Variants in SEH1L observed in about 807,000 individuals in gnomAD.
The protein encoded by SEH1L is SEH1 like nucleoporin.
In SEH1L, 18 loss-of-function variants were observed where a neutral mutation model predicts 49.5. The observed-to-expected ratio is 0.36, with a 90% CI of 0.25 to 0.54. The LOEUF is 0.54. Among genes scored for constraint, SEH1L ranks in the 20% least tolerant of loss-of-function variants. SEH1L has a pLI of 0.87. For synonymous variants in SEH1L, 169 were observed against 178.1 expected (o/e 0.95, Z 0.41); for missense variants, 404 against 528.8 (o/e 0.76, Z 2.31).
intron 5 of SEH1L, chr18:12,972,750 G>A (rs2031755734): frequency 6.6e-6 from 1 of 152,198 alleles, no homozygotes; most frequent in Non-Finnish European, 1.5e-5. Flanking sequence ...GCAGTGATGG[G>A]AAATGGTCTT....
chr18:12,986,741 T>TC lies in SEH1L; in HGVS notation c.1071-120dup, dbSNP rs1213666540. The TC allele has an allele frequency of 3.9e-5, 47 of 1,216,364 alleles. No homozygotes were observed. In the African/African-American group the frequency reaches 5.9e-4, roughly 15 times the overall value. The allele number at this position is 1,216,364 out of a possible 1,614,324, so 75.3% of individuals were successfully genotyped here. ...ATATACTAAAGCTTTTTTTTTTTTT[T>TC]CTAGCATGTGTTTTCTCCTCTTTGG... On this transcript the variant is annotated intron_variant, in intron 8 of 8. Transcript: ENST00000399892.
chr18:12,987,095 T>C lies in SEH1L; in HGVS notation c.*38T>C, dbSNP rs2032496044. On this transcript the variant is annotated 3_prime_UTR_variant, in exon 9 of 9. Transcript: ENST00000399892. ...ACATTGAAAGGCCTTATTCAAGTGC[T>C]TGTAAATGCTTTCATTTCTGGCTGC... is the stretch of plus-strand genomic sequence containing the variant. 5 of 1,365,286 alleles carry C rather than the reference T, an allele frequency of 3.7e-6. No homozygotes were observed. The highest frequency in any genetic ancestry group is 5.0e-6 in the Non-Finnish European group (5 of 999,114). 84.6% of individuals were successfully genotyped at this position (1,365,286 alleles called of 1,614,324 possible). A position where few individuals can be genotyped will look rare whatever the true frequency, so the allele number is the denominator to read the frequency against.
At chr18:12,970,911 C>T (rs2031671945) in intron 4 of SEH1L, among the ~76,000 whole-genome samples, 1 of 152,194 alleles carries the variant, frequency 6.6e-6, no homozygotes, top group Admixed American at 6.5e-5. Flanking sequence ...TCCTTTCTAT[C>T]TGAGCCATAA....
At position 12,948,014 on chromosome 18, in the gene SEH1L, A is replaced by G; in HGVS notation, c.-108A>G. On this transcript the variant is annotated 5_prime_UTR_variant, in exon 1 of 9. Coordinates refer to ENST00000399892, the MANE Select transcript of SEH1L (RefSeq NM_001013437.2). ...GGGGCGGTGCGGGGGCGTGGGCAGC[A>G]CAAGCCGTGCGCTCCCGGGCTGCGA... 1 of 745,488 alleles carries G rather than the reference A, an allele frequency of 1.3e-6. No homozygotes were observed. The highest frequency in any genetic ancestry group is 2.5e-5 in the Admixed American group (1 of 39,572). The allele number at this position is 745,488 out of a possible 1,614,324, so 46.2% of individuals were successfully genotyped here.
chr18:12,963,647 G>A (rs373104350), intron 4 of SEH1L, among the ~76,000 whole-genome samples: 13 of 152,262 alleles, frequency 8.5e-5, no homozygotes, highest in East Asian at 3.9e-4. Context: ...ATGCAAACAC[G>A]CCCAGATATT....
At chr18:12,986,139 T>G in intron 8 of SEH1L, 1 of 984,684 alleles carries the variant, frequency 1.0e-6, no homozygotes, top group Non-Finnish European at 1.2e-6. Flanking sequence ...GTCTCAAGAT[T>G]TTCTTAATTT....
chr18:12,973,858 T>C (rs535706709), intron 5 of SEH1L: 2 of 152,234 alleles, frequency 1.3e-5, no homozygotes, highest in African/African-American at 2.4e-5. Context: ...ACACTGGTGA[T>C]AGCTCCCTCT....
chr18:12,972,779 T>G (rs1348817270), intron 5 of SEH1L: 1 of 152,238 alleles, frequency 6.6e-6, no homozygotes, highest in Non-Finnish European at 1.5e-5. Context: ...TCATGGAGTT[T>G]TAAGCTGTAA....
intron 4 of SEH1L, among the ~76,000 whole-genome samples, chr18:12,970,367 G>C (rs1418356897): frequency 6.6e-6 from 1 of 152,218 alleles, no homozygotes; most frequent in Non-Finnish European, 1.5e-5. Context: ...TGGGGATCGT[G>C]ACTTCTGCAG....
intron 4 of SEH1L, among the ~76,000 whole-genome samples, chr18:12,964,005 A>G (rs1314884543): frequency 2.6e-5 from 4 of 152,162 alleles, no homozygotes; most frequent in Non-Finnish European, 5.9e-5. Context: ...GAGCTGCTGC[A>G]CCCAGCCAGA....
At chr18:12,972,830 C>G (rs565206137) in intron 5 of SEH1L, 112 of 152,286 alleles carry the variant, frequency 7.4e-4, no homozygotes, top group African/African-American at 2.5e-3. Context: ...ATAGAGGCTT[C>G]ATGAAGTGTT....
chr18:12,986,550 T>C (rs575469340), intron 8 of SEH1L: 2 of 969,474 alleles, frequency 2.1e-6, no homozygotes, highest in Non-Finnish European at 2.5e-6. Context: ...AGAAAATGTT[T>C]TGAATTTATA....
rs2032487599 is a variant in SEH1L at position 12,986,944 on chromosome 18, C to T, written c.1153C>T (p.Pro385Ser). ...YAQLLPPPPPPLVEHSCDADT... is the reference protein window; with the variant it reads ...YAQLLPPPPPSLVEHSCDADT... The stretch of plus-strand genomic sequence containing the variant: ...CCAGCTCCTTCCTCCTCCTCCTCCT[C>T]CTCTGGTAGAGCACTCTTGCGATGC... The change falls in exon 9 of 9, where the codon CCT becomes TCT. Residue 385 changes from proline to serine, a missense_variant. Around this residue, in one of 3 missense-constraint regions of SEH1L, gnomAD observed 342 missense variants for 430.8 expected, o/e 0.79. Coordinates refer to ENST00000399892, the MANE Select transcript of SEH1L (RefSeq NM_001013437.2). The T allele has an allele frequency of 6.2e-7, 1 of 1,613,816 alleles. No homozygotes were observed. Among genetic ancestry groups the T allele is most frequent in the Admixed American group, 1.7e-5 (1 of 59,998 alleles).
At chr18:12,984,260 G>A (rs756964619) in intron 8 of SEH1L, 70 bp downstream of exon 8, 5 of 1,464,658 alleles carry the variant, frequency 3.4e-6, no homozygotes, top group East Asian at 4.5e-5. Flanking sequence ...TACTTAAGGT[G>A]GATTATTTCA....
At position 12,949,018 on chromosome 18, in the gene SEH1L, C is replaced by CT. The variant is rs1345283216; in HGVS notation, c.111+799dup. ...GTGCACGCCACCACCCCCGGCTAAT[C>CT]TTTTTTTTTTTTTGTATTTTTTAGT... On this transcript the variant is annotated intron_variant, in intron 1 of 8. Transcript: ENST00000399892. 2.3e-3 allele frequency among the ~76,000 whole-genome samples: 326 copies of CT among 143,014 alleles called. 4 individuals are homozygous for CT. The highest frequency in any genetic ancestry group is 7.2e-3 in the East Asian group (35 of 4,842). 93.8% of individuals were successfully genotyped at this position (143,014 alleles called of 152,430 possible).
In SEH1L at chr18:12,966,266, A is replaced by G. The variant is rs536652921; in HGVS notation, c.521+2895A>G. On this transcript the variant is annotated intron_variant, in intron 4 of 8. Coordinates refer to ENST00000399892, the MANE Select transcript of SEH1L (RefSeq NM_001013437.2). ...TGCCACCATGCCCGTCTAATTTTAT[A>G]TTTTTAGTAGAGATGGGGTTTCTCC... Among the ~76,000 whole-genome samples, 3 of 151,326 alleles carry G rather than the reference A, an allele frequency of 2.0e-5. No individual in the cohort carries two copies. In the South Asian group the frequency reaches 6.3e-4, roughly 32 times the overall value.
intron 2 of SEH1L, 89 bp downstream of exon 2, chr18:12,951,994 A>G: frequency 1.4e-6 from 1 of 710,424 alleles, no homozygotes; most frequent in Non-Finnish European, 2.3e-6. Flanking sequence ...AGAAAATAAC[A>G]TTTATACAGT....
chr18:12,973,705 T>G (rs909315778), intron 5 of SEH1L: 2 of 152,236 alleles, frequency 1.3e-5, no homozygotes, highest in African/African-American at 4.8e-5. Context: ...AAATCTAGAC[T>G]GGGGGATTCC....
intron 1 of SEH1L, chr18:12,948,547 C>T (rs151247732): frequency 0.034 from 7,790 of 227,618 alleles, 170 homozygotes; most frequent in Middle Eastern, 0.082. Flanking sequence ...ATCCCACCGT[C>T]AGCCTCGGCG....
Sources: allele counts gnomAD v4.1 joint callset (sites outside exome capture counted in the v4.1 genomes callset), GRCh38; gene constraint gnomAD v4.1.1; regional missense constraint gnomAD v4.1.1; transcripts MANE v1.5; gene names NCBI Gene and HGNC (gene_info 2026-07-23, HGNC 2026-07-21).